The following ATL1 variants were observed in gnomAD, a reference collection of about 807,000 sequenced individuals.
The protein encoded by ATL1 is atlastin GTPase 1.
Under a neutral mutation model 75.5 loss-of-function variants are expected in ATL1, and 31 were observed. That is an observed-to-expected ratio of 0.41 (90% CI 0.31 to 0.55). The LOEUF (loss-of-function observed/expected upper bound fraction) is 0.55, where lower values mean the gene tolerates loss of function less well. Among genes scored for constraint, ATL1 ranks in the 20% least tolerant of loss-of-function variants. The pLI is 0.27. For missense variants in ATL1, 405 were observed against 662.6 expected (o/e 0.61, Z 4.27); for synonymous variants, 226 against 233.3 (o/e 0.97, Z 0.28).
At chr14:50,589,329 T>C (rs2039133153) in intron 2 of ATL1, among the ~76,000 whole-genome samples, 1 of 151,938 alleles carries the variant, frequency 6.6e-6, no homozygotes, top group Admixed American at 6.6e-5. Context: ...TGGATAATTT[T>C]TTGTATTTTT....
Position 50,623,175 on chromosome 14 carries a change from A to C in ATL1, c.1048-2A>C. 1 of 1,613,526 alleles carries C rather than the reference A, an allele frequency of 6.2e-7. No individual in the cohort carries two copies. The highest frequency in any genetic ancestry group is 8.5e-7 in the Non-Finnish European group (1 of 1,179,682). The stretch of plus-strand genomic sequence containing the variant: ...ACATCATATTTTGTACTTTGTCCAA[A>C]GGCCACAGCAGAAGCTAACAATTTA... On this transcript the variant is annotated splice_acceptor_variant, in intron 10 of 13. Transcript: ENST00000358385. LOFTEE classifies it high-confidence loss of function.
intron 1 of ATL1, among the ~76,000 whole-genome samples, chr14:50,568,417 A>G (rs376003331): frequency 1.3e-5 from 2 of 152,074 alleles, no homozygotes; most frequent in East Asian, 1.9e-4. Context: ...TAAAAAAAAA[A>G]CCAGTTCTTT....
intron 11 of ATL1, among the ~76,000 whole-genome samples, chr14:50,625,791 T>A (rs2039513555): frequency 6.6e-6 from 1 of 151,466 alleles, no homozygotes; most frequent in Non-Finnish European, 1.5e-5. Context: ...GCACCTGTAG[T>A]CCCAGGTACT....
intron 1 of ATL1, among the ~76,000 whole-genome samples, chr14:50,580,784 C>T (rs749289817): frequency 4.6e-5 from 7 of 151,934 alleles, no homozygotes; most frequent in South Asian, 2.1e-4. Flanking sequence ...GATTGCTCTT[C>T]GTTGTTTTCT....
At chr14:50,622,970 T>C (rs1277706349) in intron 10 of ATL1, among the ~76,000 whole-genome samples, 1 of 152,190 alleles carries the variant, frequency 6.6e-6, no homozygotes, top group East Asian at 1.9e-4. Flanking sequence ...AAGTATTGTG[T>C]ATTGAGTAAA....
intron 6 of ATL1, among the ~76,000 whole-genome samples, chr14:50,601,662 G>C (rs568268106): frequency 6.6e-4 from 100 of 152,292 alleles, no homozygotes; most frequent in Admixed American, 1.2e-3. Context: ...ATAGTATAGA[G>C]TTCTCTAAGT....
At chr14:50,614,599 A>C in intron 8 of ATL1, 88 bp downstream of exon 8, 1 of 1,413,644 alleles carries the variant, frequency 7.1e-7, no homozygotes. Flanking sequence ...CTGATAGTTT[A>C]GTTTATCCAC....
intron 1 of ATL1, among the ~76,000 whole-genome samples, chr14:50,543,078 A>C (rs987805489): frequency 1.3e-5 from 2 of 152,264 alleles, no homozygotes; most frequent in Non-Finnish European, 2.9e-5. Context: ...CCATCTCGAT[A>C]GTTATACAAG....
chr14:50,537,316 C>G (rs1216793583), intron 1 of ATL1, among the ~76,000 whole-genome samples: 1 of 152,238 alleles, frequency 6.6e-6, no homozygotes, highest in Non-Finnish European at 1.5e-5. Flanking sequence ...GTTTGGGAAT[C>G]TTTGCCTAGA....
intron 1 of ATL1, chr14:50,572,149 T>A: frequency 2.6e-6 from 1 of 386,226 alleles, no homozygotes; most frequent in South Asian, 2.2e-5. Context: ...ATGGTGTCTT[T>A]TCCGTGGGCT....
At chr14:50,595,524 C>A in intron 5 of ATL1, 52 bp from the exon 6 acceptor site, 1 of 1,196,596 alleles carries the variant, frequency 8.4e-7, no homozygotes, top group East Asian at 3.1e-5. Context: ...AAAGTTCTCT[C>A]TCTCTCTCTC....
intron 1 of ATL1, chr14:50,561,194 C>G (rs1029553341): frequency 4.6e-5 from 7 of 152,250 alleles, no homozygotes; most frequent in Non-Finnish European, 1.0e-4. Flanking sequence ...GCGGCCCCGC[C>G]CGCCTTGCTG....
chr14:50,603,490 A>G (rs1156418709), intron 6 of ATL1, among the ~76,000 whole-genome samples: 2 of 152,142 alleles, frequency 1.3e-5, no homozygotes, highest in East Asian at 1.9e-4. Flanking sequence ...TAGAAGGGGA[A>G]GCATATAATA....
chr14:50,575,289 C>A (rs954747375), intron 1 of ATL1, among the ~76,000 whole-genome samples: 8 of 151,966 alleles, frequency 5.3e-5, no homozygotes, highest in Non-Finnish European at 8.8e-5. Context: ...AAATGACTGA[C>A]TCAACTTCTT....
chr14:50,552,643 G>C (rs138659118), intron 1 of ATL1, among the ~76,000 whole-genome samples: 1 of 152,150 alleles, frequency 6.6e-6, no homozygotes, highest in African/African-American at 2.4e-5. Flanking sequence ...CCAAAACAAC[G>C]TGGTACTGCT....
intron 6 of ATL1, among the ~76,000 whole-genome samples, chr14:50,603,181 T>A (rs528001250): frequency 6.6e-6 from 1 of 152,224 alleles, no homozygotes; most frequent in South Asian, 2.1e-4. Flanking sequence ...TATTTCTTTC[T>A]TGAGCATATA....
intron 1 of ATL1, among the ~76,000 whole-genome samples, chr14:50,542,139 C>T (rs774084947): frequency 3.5e-4 from 53 of 149,356 alleles, no homozygotes; most frequent in Admixed American, 7.4e-4. Context: ...GACTCCTGAC[C>T]ACAGGATACT....
intron 11 of ATL1, among the ~76,000 whole-genome samples, chr14:50,626,321 G>C (rs1168592069): frequency 6.6e-6 from 1 of 152,198 alleles, no homozygotes; most frequent in Non-Finnish European, 1.5e-5. Context: ...GCCATGAAGA[G>C]AATCTGTGGT....
intron 13 of ATL1, among the ~76,000 whole-genome samples, chr14:50,630,350 G>T (rs2039568150): frequency 2.0e-5 from 3 of 152,148 alleles, no homozygotes; most frequent in Admixed American, 2.0e-4. Context: ...TGAAACCTGA[G>T]GAAATGTAAC....
Sources: gnomAD v4.1 joint callset for allele counts (sites outside exome capture counted in the v4.1 genomes callset) on GRCh38, gnomAD v4.1.1 for gene constraint, MANE v1.5 for transcripts, NCBI Gene and HGNC (gene_info 2026-07-23, HGNC 2026-07-21) for gene names.